Variants in MAML3 observed in about 807,000 individuals in gnomAD.
The protein encoded by MAML3 is mastermind-like protein 3.
In MAML3, 27 loss-of-function variants were observed where a neutral mutation model predicts 101.9. The observed-to-expected ratio is 0.27, with a 90% CI of 0.20 to 0.37. The LOEUF (loss-of-function observed/expected upper bound fraction) is 0.37. Ranked by LOEUF, MAML3 falls within the 10% of genes least tolerant of loss-of-function variation. The probability of loss-of-function intolerance (pLI) is 1.00; values close to 1 mark genes in which losing one functional copy is unlikely to be tolerated. For synonymous variants in MAML3, 501 were observed against 555.9 expected, an observed-to-expected ratio of 0.90 and a Z score of 1.39; for missense variants, 1,316 against 1,444.9, an observed-to-expected ratio of 0.91 and a Z score of 1.45.
intron 1 of MAML3, among the ~76,000 whole-genome samples, chr4:140,024,892 A>C (rs904953804): frequency 1.3e-5 from 2 of 152,188 alleles, no homozygotes; most frequent in Non-Finnish European, 2.9e-5. Context: ...CCAAATGCTT[A>C]ATAACAAAAG....
intron 2 of MAML3, among the ~76,000 whole-genome samples, chr4:139,825,765 G>GA (rs10572822): frequency 6.5e-4 from 95 of 145,418 alleles, no homozygotes; most frequent in East Asian, 1.8e-3. Context: ...AGAGAAGAAG[G>GA]AAAAAAAAAA....
At chr4:140,086,038 G>A (rs920775281) in intron 1 of MAML3, among the ~76,000 whole-genome samples, 1 of 152,122 alleles carries the variant, frequency 6.6e-6, no homozygotes, top group Non-Finnish European at 1.5e-5. Context: ...CCATTTCACC[G>A]TGATGTTTTC....
At chr4:139,876,416 C>G (rs1732115722) in intron 2 of MAML3, among the ~76,000 whole-genome samples, 1 of 152,170 alleles carries the variant, frequency 6.6e-6, no homozygotes, top group Non-Finnish European at 1.5e-5. Context: ...CAAGTCTTGT[C>G]TCTGGACTTT....
intron 1 of MAML3, among the ~76,000 whole-genome samples, chr4:139,989,141 C>T (rs537705583): frequency 1.6e-4 from 24 of 152,094 alleles, no homozygotes; most frequent in African/African-American, 4.6e-4. Flanking sequence ...GGGCTCTGGA[C>T]GGGACAGAAG....
At chr4:139,932,642 AC>A (rs1005978602) in intron 1 of MAML3, among the ~76,000 whole-genome samples, 17 of 152,342 alleles carry the variant, frequency 1.1e-4, no homozygotes, top group Admixed American at 6.5e-4. Context: ...GGAGATATCA[AC>A]CAAAAAGCTA....
At chr4:139,968,926 G>T (rs148064492) in intron 1 of MAML3, among the ~76,000 whole-genome samples, 1 of 151,948 alleles carries the variant, frequency 6.6e-6, no homozygotes, top group African/African-American at 2.4e-5. Context: ...GCAGAGCAGC[G>T]TGCTGCCCCA....
At chr4:139,756,449 C>T (rs1230636926) in intron 2 of MAML3, among the ~76,000 whole-genome samples, 1 of 152,184 alleles carries the variant, frequency 6.6e-6, no homozygotes, top group Non-Finnish European at 1.5e-5. Context: ...AAAAAGTTGT[C>T]TGTCAGCATT....
chr4:139,819,459 G>A (rs1374238860), intron 2 of MAML3, among the ~76,000 whole-genome samples: 1 of 152,168 alleles, frequency 6.6e-6, no homozygotes, highest in Non-Finnish European at 1.5e-5. Flanking sequence ...CCTGCATGAA[G>A]CTGCTTCGAT....
At chr4:139,763,408 T>C (rs1298155114) in intron 2 of MAML3, among the ~76,000 whole-genome samples, 1 of 152,136 alleles carries the variant, frequency 6.6e-6, no homozygotes, top group Admixed American at 6.5e-5. Flanking sequence ...GCCATCTGTT[T>C]AAGCAACGAG....
intron 1 of MAML3, among the ~76,000 whole-genome samples, chr4:139,937,234 G>A (rs1380106945): frequency 6.6e-6 from 1 of 152,026 alleles, no homozygotes; most frequent in Non-Finnish European, 1.5e-5. Context: ...TGTGATTATT[G>A]CATTGTTGTT....
Position 139,865,238 on chromosome 4 carries a change from G to A in MAML3, c.2079+24119C>T, listed in dbSNP as rs28570997. On this transcript the variant is annotated intron_variant, in intron 2 of 4. Transcript: ENST00000509479. ...TAAATAGTTATTCTTTTTCTCCTTG[G>A]AGAATCAAAATTAACCTTCAGTTGT... Among the ~76,000 whole-genome samples the A allele has an allele frequency of 2.7e-3, 405 of 152,022 alleles. 3 individuals are homozygous for A. Among genetic ancestry groups the A allele is most frequent in the Middle Eastern group, 0.017 (5 of 294 alleles).
chr4:140,024,872 A>C (rs764840828), intron 1 of MAML3, among the ~76,000 whole-genome samples: 3 of 152,218 alleles, frequency 2.0e-5, no homozygotes, highest in Admixed American at 6.5e-5. Context: ...TAGGCTGCAG[A>C]ATCTTCTTCC....
chr4:139,799,975 T>C (rs532485621), intron 2 of MAML3, among the ~76,000 whole-genome samples: 1 of 152,254 alleles, frequency 6.6e-6, no homozygotes, highest in South Asian at 2.1e-4. Flanking sequence ...AAAATATTTA[T>C]AATATCAGGA....
At chr4:140,152,344 A>T (rs1428508948) in intron 1 of MAML3, among the ~76,000 whole-genome samples, 1 of 152,086 alleles carries the variant, frequency 6.6e-6, no homozygotes, top group African/African-American at 2.4e-5. Context: ...CTTCCCCCCT[A>T]GGGGTTGAGG....
At chr4:140,019,501 A>G (rs1726699693) in intron 1 of MAML3, among the ~76,000 whole-genome samples, 1 of 152,178 alleles carries the variant, frequency 6.6e-6, no homozygotes, top group Non-Finnish European at 1.5e-5. Context: ...GAACAAATAG[A>G]CTCTTAAGCC....
At chr4:140,073,721 T>C (rs1727704652) in intron 1 of MAML3, among the ~76,000 whole-genome samples, 1 of 152,218 alleles carries the variant, frequency 6.6e-6, no homozygotes, top group Admixed American at 6.5e-5. Flanking sequence ...CATATGTTGC[T>C]TTTTGCAACT....
intron 1 of MAML3, among the ~76,000 whole-genome samples, chr4:140,120,061 C>T (rs1035191489): frequency 6.6e-6 from 1 of 151,892 alleles, no homozygotes; most frequent in African/African-American, 2.4e-5. Flanking sequence ...CACGGTGAAA[C>T]CCCGTCTCTA....
At chr4:139,892,872 A>T (rs1239662691) in intron 1 of MAML3, among the ~76,000 whole-genome samples, 1 of 145,894 alleles carries the variant, frequency 6.9e-6, no homozygotes, top group African/African-American at 2.6e-5. Context: ...TGGAGCTTGC[A>T]GTGAGCCGAG....
chr4:139,972,634 T>C lies in MAML3; in HGVS notation c.469-81667A>G, dbSNP rs1734251032. On this transcript the variant is annotated intron_variant, in intron 1 of 4. Coordinates refer to ENST00000509479, the MANE Select transcript of MAML3 (RefSeq NM_018717.5). ...GAAGGTTTTGGGAAGATGGCAATGTTCCATATCATAATTGTGATGGTGATT... is the reference window on the plus strand; with the variant it reads ...GAAGGTTTTGGGAAGATGGCAATGTCCCATATCATAATTGTGATGGTGATT... Among the ~76,000 whole-genome samples the C allele has an allele frequency of 2.0e-5, 3 of 152,232 alleles. No individual in the cohort carries two copies. In the South Asian group the frequency reaches 6.2e-4, roughly 31 times the overall value.
Sources: allele counts gnomAD v4.1 joint callset (sites outside exome capture counted in the v4.1 genomes callset), GRCh38; gene constraint gnomAD v4.1.1; transcripts MANE v1.5; gene names NCBI Gene and HGNC (gene_info 2026-07-23, HGNC 2026-07-21).